Variants in MIS18A observed in about 807,000 individuals in gnomAD.
The protein encoded by MIS18A is MIS18 kinetochore protein A, also known as protein Mis18-alpha.
A neutral mutation model predicts 25.0 loss-of-function variants in MIS18A; 14 were observed. The ratio of observed to expected loss-of-function variants is 0.56; its 90% CI spans 0.37 to 0.88. The LOEUF is 0.88. MIS18A is among the 40% of genes least tolerant of loss of function. MIS18A has a pLI of 0.00. For synonymous variants in MIS18A, 134 were observed against 118.6 expected (o/e 1.13, Z -0.84); for missense variants, 292 against 290.8 (o/e 1.00, Z -0.03).
chr21:32,209,322 C>A, the MIS18A span, among the ~76,000 whole-genome samples: 1 of 152,216 alleles, frequency 6.6e-6, no homozygotes, highest in East Asian at 1.9e-4. Flanking sequence ...CCTTTGAGAT[C>A]TTTTTTCCTC....
the MIS18A span, among the ~76,000 whole-genome samples, chr21:32,252,200 G>A: frequency 1.1e-5 from 1 of 93,986 alleles, no homozygotes; most frequent in South Asian, 4.2e-4. Context: ...AAAGGAAGAG[G>A]AGGAGAAGAA....
chr21:32,222,269 C>T, the MIS18A span, among the ~76,000 whole-genome samples: 1 of 152,178 alleles, frequency 6.6e-6, no homozygotes, highest in Non-Finnish European at 1.5e-5. Flanking sequence ...GCACCCAATA[C>T]AGGAGAACCC....
chr21:32,198,238 T>C, the MIS18A span, among the ~76,000 whole-genome samples: 2 of 152,228 alleles, frequency 1.3e-5, no homozygotes, highest in African/African-American at 4.8e-5. Flanking sequence ...AGGGGCAGTT[T>C]TGCCAGGCAG....
chr21:32,255,423 C>T, the MIS18A span, among the ~76,000 whole-genome samples: 1 of 151,422 alleles, frequency 6.6e-6, no homozygotes, highest in Admixed American at 6.6e-5. Flanking sequence ...AGTAGAGATG[C>T]GGTTTCCCCA....
chr21:32,277,220 G>T (rs1569016754), intron 1 of MIS18A, among the ~76,000 whole-genome samples: 1 of 151,886 alleles, frequency 6.6e-6, no homozygotes, highest in Non-Finnish European at 1.5e-5. Context: ...TACTATTTTA[G>T]AACTATGTTT....
At chr21:32,170,881 G>A in the MIS18A span, among the ~76,000 whole-genome samples, 1 of 151,748 alleles carries the variant, frequency 6.6e-6, no homozygotes, top group South Asian at 2.1e-4. Context: ...GCTGAGGGGG[G>A]AAACATATGA....
the MIS18A span, among the ~76,000 whole-genome samples, chr21:32,192,407 T>C: frequency 2.3e-4 from 35 of 152,218 alleles, 1 homozygote; most frequent in African/African-American, 8.2e-4. Flanking sequence ...CTGGCCTCCA[T>C]ATGGGTACTC....
At chr21:32,273,849 T>TA (rs2031758170) in intron 2 of MIS18A, among the ~76,000 whole-genome samples, 1 of 152,208 alleles carries the variant, frequency 6.6e-6, no homozygotes, top group Admixed American at 6.5e-5. Context: ...GTGTACCACC[T>TA]AAAGTTATTT....
chr21:32,239,977 G>T, the MIS18A span, among the ~76,000 whole-genome samples: 3 of 152,160 alleles, frequency 2.0e-5, no homozygotes, highest in African/African-American at 7.2e-5. Context: ...TTTCTTCTGG[G>T]TACTATTGAA....
chr21:32,193,992 C>G, the MIS18A span, among the ~76,000 whole-genome samples: 1 of 152,110 alleles, frequency 6.6e-6, no homozygotes, highest in African/African-American at 2.4e-5. Context: ...CCCTTGCCAG[C>G]TGATAACCAA....
At chr21:32,172,246 A>G in the MIS18A span, among the ~76,000 whole-genome samples, 2 of 152,118 alleles carry the variant, frequency 1.3e-5, no homozygotes, top group Non-Finnish European at 2.9e-5. Context: ...TCTTCTAAAA[A>G]TTAAAAATAG....
the MIS18A span, among the ~76,000 whole-genome samples, chr21:32,242,510 A>T: frequency 1.3e-5 from 2 of 152,206 alleles, no homozygotes; most frequent in Non-Finnish European, 2.9e-5. Flanking sequence ...AAAAAAAAGA[A>T]AAAGTTTTTG....
the MIS18A span, among the ~76,000 whole-genome samples, chr21:32,255,874 G>C: frequency 9.9e-5 from 15 of 150,918 alleles, no homozygotes; most frequent in African/African-American, 3.2e-4. Flanking sequence ...CTGGGTGACA[G>C]AGCGAGACTC....
At chr21:32,169,273 C>T in the MIS18A span, among the ~76,000 whole-genome samples, 1 of 150,968 alleles carries the variant, frequency 6.6e-6, no homozygotes, top group Non-Finnish European at 1.5e-5. Flanking sequence ...AAAACTCATT[C>T]CCAGAGAGTT....
the MIS18A span, among the ~76,000 whole-genome samples, chr21:32,256,842 A>G: frequency 3.9e-5 from 6 of 152,134 alleles, no homozygotes; most frequent in African/African-American, 1.4e-4. Flanking sequence ...CATCTCAAAC[A>G]GTTCAATTCA....
the MIS18A span, among the ~76,000 whole-genome samples, chr21:32,254,712 G>A: frequency 6.6e-6 from 1 of 152,014 alleles, no homozygotes. Flanking sequence ...TTCTATGCTG[G>A]GCCGGACCTA....
chr21:32,245,933 G>A, the MIS18A span, among the ~76,000 whole-genome samples: 2 of 152,170 alleles, frequency 1.3e-5, no homozygotes, highest in South Asian at 2.1e-4. Context: ...TCTGCAGGCT[G>A]TACAGGAAAC....
chr21:32,278,619 C>T, intron 1 of MIS18A, 62 bp downstream of exon 1: 2 of 1,428,314 alleles, frequency 1.4e-6, no homozygotes, highest in Non-Finnish European at 1.8e-6. Context: ...GGGCCGCCCA[C>T]GCGCGGCACC....
At chr21:32,232,689 T>C in the MIS18A span, among the ~76,000 whole-genome samples, 78,051 of 151,846 alleles carry the variant, frequency 0.51, 21,612 homozygotes, top group African/African-American at 0.73. Context: ...TATGAAGAAA[T>C]TTTTAAAGAG....
Sources: allele counts gnomAD v4.1 joint callset (sites outside exome capture counted in the v4.1 genomes callset), GRCh38; gene constraint gnomAD v4.1.1; transcripts MANE v1.5; gene names NCBI Gene and HGNC (gene_info 2026-07-23, HGNC 2026-07-21).